Variants in MYOCD observed in about 807,000 individuals in gnomAD.
The protein encoded by MYOCD is myocardin.
Under a neutral mutation model 96.1 loss-of-function variants are expected in MYOCD, and 32 were observed. The ratio of observed to expected loss-of-function variants is 0.33; its 90% confidence interval spans 0.25 to 0.45. MYOCD has a LOEUF of 0.45. MYOCD is among the 20% of genes least tolerant of loss of function. The probability of loss-of-function intolerance (pLI) is 1.00; values close to 1 mark genes in which losing one functional copy is unlikely to be tolerated. For missense variants in MYOCD, 1,133 were observed against 1,200.6 expected (o/e 0.94, Z 0.83); for synonymous variants, 469 against 469.0 (o/e 1.00, Z 0.00).
At chr17:12,722,507 A>G (rs777809498) in intron 4 of MYOCD, among the ~76,000 whole-genome samples, 61 of 152,236 alleles carry the variant, frequency 4.0e-4, no homozygotes, top group Non-Finnish European at 4.4e-4. Context: ...GTCACTATGC[A>G]GACCAAATGT....
At chr17:12,701,936 T>C (rs1217124763) in intron 1 of MYOCD, among the ~76,000 whole-genome samples, 3 of 152,108 alleles carry the variant, frequency 2.0e-5, no homozygotes, top group Non-Finnish European at 4.4e-5. Context: ...AGCAATTATT[T>C]CAAATTTATT....
intron 2 of MYOCD, among the ~76,000 whole-genome samples, chr17:12,709,270 T>C (rs903126078): frequency 6.6e-6 from 1 of 152,228 alleles, no homozygotes; most frequent in Admixed American, 6.5e-5. Flanking sequence ...TGCTGCTGAG[T>C]AATAAACAGT....
intron 4 of MYOCD, among the ~76,000 whole-genome samples, chr17:12,721,484 A>AT (rs1346233030): frequency 6.6e-6 from 1 of 152,208 alleles, no homozygotes; most frequent in Non-Finnish European, 1.5e-5. Context: ...CAAAAGTACG[A>AT]TGTTGGTAAT....
chr17:12,749,709 G>GTATATATATACATATGTGTA (rs779103102), intron 9 of MYOCD, among the ~76,000 whole-genome samples: 4 of 139,220 alleles, frequency 2.9e-5, no homozygotes, highest in African/African-American at 5.5e-5. Context: ...ATACATATGT[G>GTATATATATACATATGTGTA]TATATATATG....
At chr17:12,684,395 T>C (rs1214761908) in intron 1 of MYOCD, among the ~76,000 whole-genome samples, 1 of 152,188 alleles carries the variant, frequency 6.6e-6, no homozygotes, top group African/African-American at 2.4e-5. Context: ...TGGCCCTCTT[T>C]TTCTGAATTC....
intron 1 of MYOCD, among the ~76,000 whole-genome samples, chr17:12,671,703 G>A (rs1231690061): frequency 6.6e-6 from 1 of 152,182 alleles, no homozygotes; most frequent in Non-Finnish European, 1.5e-5. Context: ...TAGCAAGATT[G>A]TGTCAAGTTG....
chr17:12,764,265 T>A lies in MYOCD; in HGVS notation c.*621T>A, dbSNP rs8079605. ...TGCCCTGCTGGAGTGGTTCTGAACC[T>A]GTACCCAGGACTCGATGTGGTCACT... On this transcript the variant is annotated 3_prime_UTR_variant, in exon 14 of 14. Coordinates refer to ENST00000425538, the MANE Select transcript of MYOCD (RefSeq NM_001146312.3). 0.08 allele frequency: 12,243 copies of A among 152,324 alleles called. 841 individuals are homozygous for A. Among genetic ancestry groups the A allele is most frequent in the East Asian group, 0.32 (1,658 of 5,172 alleles). The allele number at this position is 152,324 out of a possible 1,614,324, so 9.4% of individuals were successfully genotyped here. A position where few individuals can be genotyped will look rare whatever the true frequency, so the allele number is the denominator to read the frequency against.
chr17:12,728,318 T>A (rs758310459), intron 5 of MYOCD, among the ~76,000 whole-genome samples: 2 of 152,182 alleles, frequency 1.3e-5, no homozygotes, highest in African/African-American at 2.4e-5. Flanking sequence ...TGTCCAGATG[T>A]CTGACTCCTG....
At chr17:12,724,138 C>A (rs1434461620) in intron 5 of MYOCD, among the ~76,000 whole-genome samples, 1 of 152,160 alleles carries the variant, frequency 6.6e-6, no homozygotes, top group Non-Finnish European at 1.5e-5. Context: ...GCACTGCCAC[C>A]ATGTTTACTC....
chr17:12,722,972 C>G lies in MYOCD; in HGVS notation c.379C>G (p.Leu127Val). The stretch of plus-strand genomic sequence containing the variant: ...ACTGGAGCTGGTGGAAAAAAACATT[C>G]TTCCTGTGGATTCTGCTGTGAAAGA... ...GPLELVEKNI[L>V]PVDSAVKEAI... The change falls in exon 5 of 14, where the codon CTT (leucine) becomes GTT (valine). Residue 127 changes from leucine to valine, a missense_variant. Physicochemically the swap from Leu to Val is conservative, Grantham distance 32 (BLOSUM62 1). Transcript: ENST00000425538. 1.9e-6 allele frequency: 3 copies of G among 1,613,962 alleles called. No individual in the cohort carries two copies. The highest frequency in any genetic ancestry group is 2.5e-6 in the Non-Finnish European group (3 of 1,179,966).
At chr17:12,702,664 G>T (rs939401130) in intron 1 of MYOCD, among the ~76,000 whole-genome samples, 11 of 107,804 alleles carry the variant, frequency 1.0e-4, no homozygotes, top group Non-Finnish European at 1.1e-4. Flanking sequence ...GATATTTTTA[G>T]CATTGTTTCA....
At chr17:12,720,508 A>G (rs1430112211) in intron 4 of MYOCD, 1 of 152,186 alleles carries the variant, frequency 6.6e-6, no homozygotes, top group African/African-American at 2.4e-5. Flanking sequence ...TAGAGCTACT[A>G]CAAACAAGGC....
intron 1 of MYOCD, among the ~76,000 whole-genome samples, chr17:12,700,925 T>A (rs2031041583): frequency 6.6e-6 from 1 of 152,090 alleles, no homozygotes; most frequent in African/African-American, 2.4e-5. Flanking sequence ...TGTGGGGGGG[T>A]TATAATAATC....
intron 1 of MYOCD, among the ~76,000 whole-genome samples, chr17:12,668,870 T>A (rs930236440): frequency 2.6e-5 from 4 of 152,198 alleles, no homozygotes; most frequent in African/African-American, 9.7e-5. Flanking sequence ...CATTTTTCTA[T>A]TATTAATATT....
At chr17:12,685,860 G>A (rs2030091925) in intron 1 of MYOCD, among the ~76,000 whole-genome samples, 1 of 152,210 alleles carries the variant, frequency 6.6e-6, no homozygotes, top group South Asian at 2.1e-4. Flanking sequence ...AAATAGCAAG[G>A]AATTGTTCAA....
Position 12,694,531 on chromosome 17 carries a change from G to C in MYOCD, c.56-10597G>C, listed in dbSNP as rs535923494. ...TAGCTCTCTGCCCACTCCCTTTAGA[G>C]TTAGACCCTGACCCAGCAGCCAGGC... On this transcript the variant is annotated intron_variant, in intron 1 of 13. Coordinates refer to ENST00000425538, the MANE Select transcript of MYOCD (RefSeq NM_001146312.3). Among the ~76,000 whole-genome samples the C allele has an allele frequency of 1.4e-3, 209 of 152,242 alleles. 1 individual carries two copies. Among genetic ancestry groups the C allele is most frequent in the African/African-American group, 4.7e-3 (196 of 41,558 alleles).
At chr17:12,673,879 A>G (rs904747655) in intron 1 of MYOCD, among the ~76,000 whole-genome samples, 3 of 152,232 alleles carry the variant, frequency 2.0e-5, no homozygotes, top group Non-Finnish European at 4.4e-5. Flanking sequence ...TACTTACCCA[A>G]TGGTGGCTGG....
chr17:12,732,364 G>A (rs7219332), intron 5 of MYOCD, among the ~76,000 whole-genome samples: 5,266 of 152,072 alleles, frequency 0.035, 213 homozygotes, highest in African/African-American at 0.087. Flanking sequence ...ATTGTCAGAC[G>A]CGCCCCTCTC....
chr17:12,754,242 C>T (rs939089674), intron 10 of MYOCD, among the ~76,000 whole-genome samples: 16 of 152,096 alleles, frequency 1.1e-4, no homozygotes, highest in Admixed American at 2.0e-4. Flanking sequence ...GTAGCTGGGA[C>T]TACAGGCGCA....
Sources: gnomAD v4.1 joint callset for allele counts (sites outside exome capture counted in the v4.1 genomes callset) on GRCh38, gnomAD v4.1.1 for gene constraint, MANE v1.5 for transcripts, NCBI Gene and HGNC (gene_info 2026-07-23, HGNC 2026-07-21) for gene names.